CLEC2A: variants seen among roughly 807,000 people sequenced by gnomAD.
The protein encoded by CLEC2A is C-type lectin domain family 2 member A.
In CLEC2A, 19 loss-of-function variants were observed where a neutral mutation model predicts 18.6. The observed-to-expected ratio is 1.02, with a 90% confidence interval of 0.71 to 1.50. The LOEUF (loss-of-function observed/expected upper bound fraction) is 1.50, where lower values mean the gene tolerates loss of function less well. Ranked by LOEUF, CLEC2A falls within the 40% of genes most tolerant of loss-of-function variation. The pLI, the probability that CLEC2A is intolerant of heterozygous loss-of-function variation, is 0.00. For missense variants in CLEC2A, 190 were observed against 207.9 expected (o/e 0.91, Z 0.53); for synonymous variants, 74 against 64.0 (o/e 1.16, Z -0.75).
At chr12:9,883,632 A>G in the CLEC2A span, among the ~76,000 whole-genome samples, 3 of 152,250 alleles carry the variant, frequency 2.0e-5, no homozygotes, top group Non-Finnish European at 2.9e-5. Flanking sequence ...ATGTATTTTG[A>G]CGATTTTCAA....
the CLEC2A span, among the ~76,000 whole-genome samples, chr12:9,883,630 T>C: frequency 1.3e-5 from 2 of 152,252 alleles, no homozygotes; most frequent in Non-Finnish European, 2.9e-5. Context: ...AAATGTATTT[T>C]GACGATTTTC....
intron 4 of CLEC2A, 98 bp from the exon 5 acceptor site, chr12:9,913,778 A>G: frequency 2.7e-6 from 2 of 728,844 alleles, no homozygotes; most frequent in Non-Finnish European, 4.3e-6. Context: ...TATACCAAAC[A>G]CTGAGCTCCC....
chr12:9,881,546 A>G, the CLEC2A span: 1 of 1,330,180 alleles, frequency 7.5e-7, no homozygotes, highest in Non-Finnish European at 1.0e-6. Flanking sequence ...ATTAGTTTCC[A>G]TTTTCTTTGT....
the CLEC2A span, chr12:9,881,531 T>C: frequency 8.4e-7 from 1 of 1,193,376 alleles, no homozygotes; most frequent in Non-Finnish European, 1.2e-6. Context: ...ATATCCAAGG[T>C]TGAGATTAGT....
chr12:9,926,177 G>A lies in CLEC2A; in HGVS notation c.139+83C>T, dbSNP rs1565535486. ...AAACCCTTTAATCACTCTAGATGTG[G>A]GAGATTTGGAGTTAAACTTGAGATA... On this transcript the variant is annotated intron_variant, in intron 2 of 4. Coordinates refer to ENST00000455827, the MANE Select transcript of CLEC2A (RefSeq NM_001130711.2). The A allele has an allele frequency of 1.0e-4, 83 of 807,626 alleles. No homozygotes were observed. In the South Asian group the frequency reaches 1.3e-3, roughly 13 times the overall value. 50.0% of individuals were successfully genotyped at this position (807,626 alleles called of 1,614,324 possible). A position where few individuals can be genotyped will look rare whatever the true frequency, so the allele number is the denominator to read the frequency against.
At chr12:9,914,307 A>T (rs572097332) in intron 4 of CLEC2A, among the ~76,000 whole-genome samples, 1 of 152,340 alleles carries the variant, frequency 6.6e-6, no homozygotes, top group East Asian at 1.9e-4. Flanking sequence ...TTAAAGATCC[A>T]ATGCAATACC....
At chr12:9,895,626 A>T, downstream of CLEC2A, 2 of 1,420,880 alleles carry the variant, frequency 1.4e-6, no homozygotes, top group Non-Finnish European at 1.8e-6. Context: ...GCTGGAGAAA[A>T]CTTTAAAAGA....
chr12:9,883,091 T>A, the CLEC2A span, among the ~76,000 whole-genome samples: 14 of 152,324 alleles, frequency 9.2e-5, no homozygotes, highest in African/African-American at 3.4e-4. Flanking sequence ...GAAAAATTAC[T>A]GTAGGCATGT....
chr12:9,898,787 A>G, exon 5 of CLEC2A: 4 of 582,696 alleles, frequency 6.9e-6, no homozygotes, highest in South Asian at 2.1e-5. Context: ...TACTCCCTCT[A>G]AAGAAGTACA....
chr12:9,886,780 AAAG>A, the CLEC2A span, among the ~76,000 whole-genome samples: 2,603 of 150,942 alleles, frequency 0.017, 32 homozygotes, highest in Middle Eastern at 0.035. Context: ...AAAAAAAAAA[AAAG>A]AGAGAAGAAC....
At chr12:9,892,580 C>CT in the CLEC2A span, among the ~76,000 whole-genome samples, 45,980 of 104,900 alleles carry the variant, frequency 0.44, 12,228 homozygotes, top group Non-Finnish European at 0.57. Context: ...TACAGAACTG[C>CT]TTTTTTTTTT....
At chr12:9,884,127 A>G in the CLEC2A span, among the ~76,000 whole-genome samples, 1 of 152,128 alleles carries the variant, frequency 6.6e-6, no homozygotes, top group Non-Finnish European at 1.5e-5. Context: ...TATACATCCA[A>G]TTTATTCAAA....
intron 1 of CLEC2A, among the ~76,000 whole-genome samples, chr12:9,927,831 G>A (rs1863301529): frequency 6.6e-6 from 1 of 151,276 alleles, no homozygotes; most frequent in African/African-American, 2.4e-5. Context: ...AACATAAAAT[G>A]TGTTTTTTTT....
intron 2 of CLEC2A, among the ~76,000 whole-genome samples, chr12:9,925,757 C>A (rs1203340506): frequency 6.6e-6 from 1 of 152,108 alleles, no homozygotes; most frequent in Non-Finnish European, 1.5e-5. Context: ...GACCTTTAGT[C>A]CTCTCAGATA....
At chr12:9,881,552 T>A in the CLEC2A span, 1 of 1,353,684 alleles carries the variant, frequency 7.4e-7, no homozygotes, top group Admixed American at 2.0e-5. Flanking sequence ...TTCCATTTTC[T>A]TTGTACTATT....
chr12:9,910,760 G>C (rs375622274), downstream of CLEC2A, among the ~76,000 whole-genome samples: 2 of 152,306 alleles, frequency 1.3e-5, no homozygotes, highest in Non-Finnish European at 2.9e-5. Context: ...CCACGTTGCT[G>C]AGAGTGTGGG....
At chr12:9,924,721 GT>G (rs199796360) in intron 2 of CLEC2A, among the ~76,000 whole-genome samples, 1 of 151,588 alleles carries the variant, frequency 6.6e-6, no homozygotes, top group East Asian at 1.9e-4. Context: ...TTATTTCTTT[GT>G]TTTTTTTCAT....
In CLEC2A at chr12:9,932,333, A is replaced by T. The variant is rs1174874367; in HGVS notation, c.-4T>A. On this transcript the variant is annotated 5_prime_UTR_variant, in exon 1 of 5. Transcript: ENST00000455827. ...CCCGCAGCTCTGGATTAATCATGGC[A>T]AGGCGCTAACCGATGGAGATCAGTA... is the stretch of plus-strand genomic sequence containing the variant. 1 of 1,551,978 alleles carries T rather than the reference A, an allele frequency of 6.4e-7. No homozygotes were observed. Among genetic ancestry groups the T allele is most frequent in the East Asian group, 2.4e-5 (1 of 40,906 alleles).
At chr12:9,925,905 G>A (rs930817207) in intron 2 of CLEC2A, among the ~76,000 whole-genome samples, 19 of 152,140 alleles carry the variant, frequency 1.2e-4, no homozygotes, top group Admixed American at 5.2e-4. Flanking sequence ...AATAGTCATT[G>A]TCTCCGGGAT....
Sources: allele counts gnomAD v4.1 joint callset (sites outside exome capture counted in the v4.1 genomes callset), GRCh38; gene constraint gnomAD v4.1.1; transcripts MANE v1.5; gene names NCBI Gene and HGNC (gene_info 2026-07-23, HGNC 2026-07-21).